Variants in TCF7L2 observed in about 807,000 individuals in gnomAD.
TCF7L2 encodes transcription factor 7 like 2.
Under a neutral mutation model 77.9 loss-of-function variants are expected in TCF7L2, and 23 were observed. That is an observed-to-expected ratio of 0.30 (90% CI 0.21 to 0.42). The LOEUF is 0.42. Among genes scored for constraint, TCF7L2 ranks in the 10% least tolerant of loss-of-function variants. TCF7L2 has a pLI of 1.00. For synonymous variants in TCF7L2, 413 were observed against 340.2 expected, an observed-to-expected ratio of 1.21 and a Z score of -2.36; for missense variants, 654 against 793.1, an observed-to-expected ratio of 0.82 and a Z score of 2.11.
Position 112,950,654 on chromosome 10 carries a change from G to T in TCF7L2, c.-103G>T. 1 of 1,275,630 alleles carries T rather than the reference G, an allele frequency of 7.8e-7. No individual in the cohort carries two copies. Among genetic ancestry groups the T allele is most frequent in the African/African-American group, 1.6e-5 (1 of 62,816 alleles). 79.0% of individuals were successfully genotyped at this position (1,275,630 alleles called of 1,614,324 possible). A position where few individuals can be genotyped will look rare whatever the true frequency, so the allele number is the denominator to read the frequency against. ...TTCACCTTGGACTCGTCTTTTTCTT[G>T]CAATATTTTTTGGGGGGGCAAAACT... On this transcript the variant is annotated 5_prime_UTR_variant, in exon 1 of 14. Transcript: ENST00000627217.
At chr10:113,051,955 C>T (rs1358410760) in intron 5 of TCF7L2, among the ~76,000 whole-genome samples, 3 of 152,094 alleles carry the variant, frequency 2.0e-5, no homozygotes, top group East Asian at 1.9e-4. Context: ...AAGGAGGTGT[C>T]GCTTTAACCT....
At chr10:112,952,422 C>T (rs2032005412) in intron 3 of TCF7L2, among the ~76,000 whole-genome samples, 1 of 152,126 alleles carries the variant, frequency 6.6e-6, no homozygotes, top group African/African-American at 2.4e-5. Flanking sequence ...GCTGCGGGCT[C>T]TCCCGGGCCG....
intron 6 of TCF7L2, among the ~76,000 whole-genome samples, chr10:113,143,262 C>T (rs1271811154): frequency 6.6e-6 from 1 of 152,260 alleles, no homozygotes; most frequent in Admixed American, 6.5e-5. Context: ...GCTTAATCCC[C>T]ACAGACGACT....
In TCF7L2 at chr10:113,106,478, T is replaced by C. The variant is rs367734447; in HGVS notation, c.553-34706T>C. On this transcript the variant is annotated intron_variant, in intron 5 of 13. Coordinates refer to ENST00000627217, the MANE Select transcript of TCF7L2 (RefSeq NM_001146274.2). ...AGTGCCATTAATTTCAAGGTCTTTC[T>C]GGATTAGTGTGTGAAATTCAGTGTG... Among the ~76,000 whole-genome samples the C allele has an allele frequency of 2.0e-5, 3 of 152,212 alleles. No homozygotes were observed. In the East Asian group the frequency reaches 5.8e-4, roughly 29 times the overall value.
chr10:112,951,349 C>G, intron 2 of TCF7L2, 76 bp downstream of exon 2: 2 of 983,934 alleles, frequency 2.0e-6, no homozygotes, highest in Non-Finnish European at 2.4e-6. Context: ...CCCGGCCCCG[C>G]GCCCGGCTCG....
intron 5 of TCF7L2, among the ~76,000 whole-genome samples, chr10:113,090,801 G>A (rs962807406): frequency 2.0e-5 from 3 of 152,020 alleles, no homozygotes; most frequent in African/African-American, 7.2e-5. Context: ...GTAAAGACAG[G>A]GTTTCACCCT....
chr10:113,110,975 C>G (rs970001545), intron 5 of TCF7L2, among the ~76,000 whole-genome samples: 11 of 151,874 alleles, frequency 7.2e-5, no homozygotes, highest in African/African-American at 2.7e-4. Context: ...GTTCTCTGAC[C>G]TCCAGTGCAA....
intron 4 of TCF7L2, among the ~76,000 whole-genome samples, chr10:113,006,030 C>T (rs900882140): frequency 5.9e-5 from 9 of 152,066 alleles, no homozygotes; most frequent in African/African-American, 1.9e-4. Context: ...GAGAGAAAAA[C>T]GGCTCTGTTG....
chr10:113,054,224 C>T (rs1430996339), intron 5 of TCF7L2, among the ~76,000 whole-genome samples: 1 of 152,224 alleles, frequency 6.6e-6, no homozygotes, highest in African/African-American at 2.4e-5. Context: ...AATTATACCT[C>T]CTTTTATACC....
intron 4 of TCF7L2, among the ~76,000 whole-genome samples, chr10:113,034,028 C>T (rs148177864): frequency 5.1e-4 from 77 of 152,268 alleles, no homozygotes; most frequent in African/African-American, 1.8e-3. Context: ...ATTGGGATTC[C>T]GTGACGCCCA....
In TCF7L2 at chr10:113,165,547, G is replaced by T. The variant is rs975157071; in HGVS notation, c.1392-8G>T. The T allele has an allele frequency of 6.8e-6, 11 of 1,613,262 alleles. No individual in the cohort carries two copies. The highest frequency in any genetic ancestry group is 3.3e-5 in the Admixed American group (2 of 59,902). ...CTATTCACAGATAACTCTCTCCCCTGTTTCTAGGAGAAAAAAAAAGTGCGT... is the reference window on the plus strand; with the variant it reads ...CTATTCACAGATAACTCTCTCCCCTTTTTCTAGGAGAAAAAAAAAGTGCGT... On this transcript the variant is annotated splice_polypyrimidine_tract_variant and splice_region_variant and intron_variant, in intron 13 of 13. Coordinates refer to ENST00000627217, the MANE Select transcript of TCF7L2 (RefSeq NM_001146274.2).
intron 5 of TCF7L2, among the ~76,000 whole-genome samples, chr10:113,051,083 G>C (rs1038380201): frequency 2.0e-5 from 3 of 151,456 alleles, no homozygotes; most frequent in African/African-American, 7.3e-5. Flanking sequence ...GTTCCACTCG[G>C]TTCTGTTGCA....
chr10:113,165,812 T>C lies in TCF7L2; in HGVS notation c.1649T>C (p.Leu550Pro), dbSNP rs1174743549. Reference sequence around the variant, plus strand: ...GAGGCCACCCACAAGGCCTCCGCCCTCTGTCCCAACGGGGCCCTGGACCTG... The same window carrying C: ...GAGGCCACCCACAAGGCCTCCGCCCCCTGTCCCAACGGGGCCCTGGACCTG... Residue 550 changes from leucine (L) to proline (P), a missense_variant, in exon 14 of 14, where the codon CTC becomes CCC. By Grantham distance (98) the Leu-to-Pro change is moderately conservative. Coordinates refer to ENST00000627217, the MANE Select transcript of TCF7L2 (RefSeq NM_001146274.2). 6.2e-7 allele frequency: 1 copy of C among 1,604,436 alleles called. No homozygotes were observed. The highest frequency in any genetic ancestry group is 8.5e-7 in the Non-Finnish European group (1 of 1,174,594).
chr10:112,968,608 T>G (rs185846389), intron 4 of TCF7L2, among the ~76,000 whole-genome samples: 1 of 152,160 alleles, frequency 6.6e-6, no homozygotes, highest in South Asian at 2.1e-4. Context: ...AAACGGATTC[T>G]CATTCTGTCG....
intron 5 of TCF7L2, among the ~76,000 whole-genome samples, chr10:113,048,550 G>A (rs564763601): frequency 4.6e-5 from 7 of 152,328 alleles, no homozygotes; most frequent in African/African-American, 9.6e-5. Flanking sequence ...GCACAAGGGC[G>A]TGGACGTGTG....
intron 6 of TCF7L2, among the ~76,000 whole-genome samples, chr10:113,142,880 A>G (rs768544127): frequency 1.3e-5 from 2 of 152,250 alleles, no homozygotes; most frequent in Non-Finnish European, 2.9e-5. Flanking sequence ...GGCTCGATGT[A>G]GGGTCCAAGC....
chr10:113,024,064 A>C (rs9665713), intron 4 of TCF7L2, among the ~76,000 whole-genome samples: 1 of 151,898 alleles, frequency 6.6e-6, no homozygotes, highest in Non-Finnish European at 1.5e-5. Flanking sequence ...CTGGGAGGCC[A>C]AGGCGAGTGG....
intron 5 of TCF7L2, among the ~76,000 whole-genome samples, chr10:113,124,154 CAG>C (rs2065215679): frequency 6.6e-6 from 1 of 151,354 alleles, no homozygotes; most frequent in African/African-American, 2.4e-5. Context: ...TGTAAAGATA[CAG>C]AGTTCAAAGA....
intron 4 of TCF7L2, among the ~76,000 whole-genome samples, chr10:112,970,172 G>GTT (rs2037923736): frequency 6.6e-6 from 1 of 151,968 alleles, no homozygotes; most frequent in Admixed American, 6.6e-5. Context: ...TGGTTTGTGT[G>GTT]TGTGTGTGTG....
Sources: gnomAD v4.1 joint callset for allele counts (sites outside exome capture counted in the v4.1 genomes callset) on GRCh38, gnomAD v4.1.1 for gene constraint, MANE v1.5 for transcripts, NCBI Gene and HGNC (gene_info 2026-07-23, HGNC 2026-07-21) for gene names.